The following TRPM3 variants were observed in gnomAD, a reference collection of about 807,000 sequenced individuals.
TRPM3 encodes transient receptor potential cation channel subfamily M member 3, also known as long transient receptor potential channel 3.
TRPM3 carries 77 observed loss-of-function variants against 181.2 expected under a neutral mutation model. That is an observed-to-expected ratio of 0.42 (90% CI 0.35 to 0.51). TRPM3 has a LOEUF of 0.51. Ranked by LOEUF, TRPM3 falls within the 20% of genes least tolerant of loss-of-function variation. The pLI, the probability that TRPM3 is intolerant of heterozygous loss-of-function variation, is 0.01. For missense variants in TRPM3, 1,759 were observed against 2,196.7 expected, an observed-to-expected ratio of 0.80 and a Z score of 3.98; for synonymous variants, 745 against 796.4, an observed-to-expected ratio of 0.94 and a Z score of 1.09.
At chr9:70,657,353 C>T (rs953303119) in intron 9 of TRPM3, among the ~76,000 whole-genome samples, 1 of 151,336 alleles carries the variant, frequency 6.6e-6, no homozygotes, top group Non-Finnish European at 1.5e-5. Flanking sequence ...TTTTTCTCCC[C>T]TTTTAAAGGC....
At chr9:71,203,274 C>A (rs2078916716) in intron 1 of TRPM3, among the ~76,000 whole-genome samples, 1 of 152,198 alleles carries the variant, frequency 6.6e-6, no homozygotes, top group Non-Finnish European at 1.5e-5. Flanking sequence ...GGGCTTCATT[C>A]TCCCTTATCT....
chr9:70,639,383 G>A (rs2057711518), intron 10 of TRPM3, among the ~76,000 whole-genome samples, 189 bp from the exon 11 acceptor site: 1 of 152,148 alleles, frequency 6.6e-6, no homozygotes, highest in South Asian at 2.1e-4. Context: ...CCATGTTTGG[G>A]TGCCTGTCTT....
chr9:71,292,169 A>G (rs1356639524), intron 1 of TRPM3, among the ~76,000 whole-genome samples: 1 of 152,080 alleles, frequency 6.6e-6, no homozygotes, highest in East Asian at 1.9e-4. Flanking sequence ...AATGCTGATG[A>G]ACACACAGTA....
At chr9:71,328,760 C>T (rs2089904744) in intron 1 of TRPM3, among the ~76,000 whole-genome samples, 1 of 152,194 alleles carries the variant, frequency 6.6e-6, no homozygotes, top group East Asian at 1.9e-4. Context: ...TTTCAAAATA[C>T]AAAAGCTCCT....
intron 1 of TRPM3, among the ~76,000 whole-genome samples, chr9:70,955,687 C>T (rs2097060724): frequency 6.6e-6 from 1 of 152,184 alleles, no homozygotes; most frequent in South Asian, 2.1e-4. Context: ...TACATTAGCT[C>T]TCCAAGTAAG....
intron 1 of TRPM3, among the ~76,000 whole-genome samples, chr9:71,313,474 C>A (rs1010522569): frequency 1.3e-5 from 2 of 152,122 alleles, no homozygotes; most frequent in Non-Finnish European, 2.9e-5. Context: ...ATTTATGTTT[C>A]ATTCCAAGAT....
At chr9:71,002,939 T>A (rs1313753781) in intron 1 of TRPM3, among the ~76,000 whole-genome samples, 4 of 152,186 alleles carry the variant, frequency 2.6e-5, no homozygotes, top group African/African-American at 9.6e-5. Flanking sequence ...AAAAGGTTTG[T>A]AATAATTGTC....
intron 1 of TRPM3, among the ~76,000 whole-genome samples, chr9:71,405,505 A>T (rs910144948): frequency 6.6e-6 from 1 of 152,174 alleles, no homozygotes; most frequent in East Asian, 1.9e-4. Flanking sequence ...ATTCATACAC[A>T]TGATTTTTTC....
intron 8 of TRPM3, among the ~76,000 whole-genome samples, chr9:70,695,337 G>A (rs1162631448): frequency 5.9e-5 from 9 of 152,212 alleles, no homozygotes; most frequent in African/African-American, 2.2e-4. Flanking sequence ...AAATCTTTGT[G>A]TGGGATCATC....
intron 1 of TRPM3, among the ~76,000 whole-genome samples, chr9:71,408,449 T>G (rs1588893052): frequency 6.6e-6 from 1 of 152,198 alleles, no homozygotes; most frequent in East Asian, 1.9e-4. Flanking sequence ...GAGAACTACG[T>G]GATGCATGCA....
chr9:71,393,311 G>C (rs1258281351), intron 1 of TRPM3, among the ~76,000 whole-genome samples: 2 of 152,086 alleles, frequency 1.3e-5, no homozygotes, highest in Non-Finnish European at 2.9e-5. Context: ...CACAGCATAG[G>C]GTGAAACATA....
At chr9:71,025,859 C>T (rs2097891885) in intron 1 of TRPM3, among the ~76,000 whole-genome samples, 1 of 152,142 alleles carries the variant, frequency 6.6e-6, no homozygotes, top group African/African-American at 2.4e-5. Flanking sequence ...AGAGGAAAGG[C>T]ATTGAGAGCA....
At chr9:70,555,051 C>T (rs1170621611) in intron 22 of TRPM3, among the ~76,000 whole-genome samples, 1 of 152,194 alleles carries the variant, frequency 6.6e-6, no homozygotes, top group Non-Finnish European at 1.5e-5. Context: ...CGTGTCTTGC[C>T]ACCTCCCACC....
At chr9:71,428,256 T>A (rs1009971902) in intron 1 of TRPM3, among the ~76,000 whole-genome samples, 7 of 131,202 alleles carry the variant, frequency 5.3e-5, no homozygotes, top group Non-Finnish European at 9.6e-5. Flanking sequence ...CATGCCCGGC[T>A]TTTTTTTTTT....
At chr9:70,541,186 G>A (rs2043245023) in intron 25 of TRPM3, among the ~76,000 whole-genome samples, 1 of 152,198 alleles carries the variant, frequency 6.6e-6, no homozygotes, top group Admixed American at 6.5e-5. Flanking sequence ...CCCCAAGAGT[G>A]AAGAAGGATG....
intron 1 of TRPM3, among the ~76,000 whole-genome samples, chr9:71,032,674 G>C (rs1321510735): frequency 1.3e-5 from 2 of 152,124 alleles, no homozygotes; most frequent in Non-Finnish European, 2.9e-5. Flanking sequence ...GGGAGGTTTG[G>C]AGATATATTT....
At chr9:70,823,809 C>T (rs1267154137) in intron 6 of TRPM3, among the ~76,000 whole-genome samples, 3 of 152,180 alleles carry the variant, frequency 2.0e-5, no homozygotes, top group African/African-American at 7.2e-5. Context: ...TGAAATTGTT[C>T]CTTGCATATT....
intron 1 of TRPM3, among the ~76,000 whole-genome samples, chr9:71,162,178 T>G (rs1587717554): frequency 8.5e-6 from 1 of 118,102 alleles, no homozygotes; most frequent in Admixed American, 1.3e-4. Context: ...CCAAGCTGGG[T>G]GACAGAGCAT....
intron 1 of TRPM3, among the ~76,000 whole-genome samples, chr9:71,054,881 T>C (rs2060480898): frequency 6.6e-6 from 1 of 152,104 alleles, no homozygotes; most frequent in South Asian, 2.1e-4. Flanking sequence ...TTCTATAAAA[T>C]GAAGACAATA....
Sources: gnomAD v4.1 joint callset for allele counts (sites outside exome capture counted in the v4.1 genomes callset) on GRCh38, gnomAD v4.1.1 for gene constraint, MANE v1.5 for transcripts, NCBI Gene and HGNC (gene_info 2026-07-23, HGNC 2026-07-21) for gene names.